FHIP1A: variants seen among roughly 807,000 people sequenced by gnomAD.
FHIP1A encodes the protein FHF complex subunit HOOK-interacting protein 1A.
In FHIP1A, 61 loss-of-function variants were observed where a neutral mutation model predicts 88.6. The ratio of observed to expected loss-of-function variants is 0.69; its 90% CI spans 0.56 to 0.85. The LOEUF is 0.85. Among genes scored for constraint, FHIP1A ranks in the 40% least tolerant of loss-of-function variants. The probability of loss-of-function intolerance (pLI) is 0.00; values close to 1 mark genes in which losing one functional copy is unlikely to be tolerated. For synonymous variants in FHIP1A, 478 were observed against 496.0 expected, an observed-to-expected ratio of 0.96 and a Z score of 0.48; for missense variants, 1,154 against 1,273.5, an observed-to-expected ratio of 0.91 and a Z score of 1.43.
chr4:151,484,349 G>A (rs1208748044), intron 3 of FHIP1A, among the ~76,000 whole-genome samples: 3 of 152,184 alleles, frequency 2.0e-5, no homozygotes, highest in Admixed American at 2.0e-4. Flanking sequence ...GAAAAGGTCA[G>A]AAACCAAATA....
intron 7 of FHIP1A, among the ~76,000 whole-genome samples, chr4:151,592,390 T>C (rs976571278): frequency 6.6e-6 from 1 of 152,184 alleles, no homozygotes; most frequent in African/African-American, 2.4e-5. Context: ...CGCCTCAGCC[T>C]CCCAAAGTGC....
chr4:151,523,656 G>C (rs1042242797), intron 3 of FHIP1A, among the ~76,000 whole-genome samples: 3 of 152,206 alleles, frequency 2.0e-5, no homozygotes, highest in African/African-American at 7.2e-5. Flanking sequence ...TCAGAGGTTA[G>C]ACTGTGGTGG....
At chr4:151,420,654 T>C (rs1733092314) in intron 1 of FHIP1A, among the ~76,000 whole-genome samples, 1 of 152,244 alleles carries the variant, frequency 6.6e-6, no homozygotes, top group Non-Finnish European at 1.5e-5. Context: ...TTTGTCCTTC[T>C]TCCCAATTAG....
intron 3 of FHIP1A, among the ~76,000 whole-genome samples, chr4:151,563,710 C>A (rs1041121024): frequency 2.6e-5 from 4 of 152,110 alleles, no homozygotes; most frequent in African/African-American, 9.7e-5. Flanking sequence ...CTAACTTGTG[C>A]TGGGCATGGT....
At chr4:151,620,102 A>G (rs747501634) in intron 7 of FHIP1A, among the ~76,000 whole-genome samples, 24 of 152,202 alleles carry the variant, frequency 1.6e-4, no homozygotes, top group Non-Finnish European at 3.1e-4. Context: ...ATTTCCATTG[A>G]TGGGAAACTG....
In FHIP1A at chr4:151,662,476, ATGATGGTTTTCT is replaced by A; in HGVS notation, c.2870-23_2870-12del. On this transcript the variant is annotated splice_polypyrimidine_tract_variant and intron_variant, in intron 13 of 13. Coordinates refer to ENST00000435205, the MANE Select transcript of FHIP1A (RefSeq NM_001109977.3). ...GATTAGAAGGCTATGGAGGGACACC[ATGATGGTTTTCT>A]TTCTGCTTTCAGATCCCATTCAGGA... The A allele has an allele frequency of 6.7e-7, 1 of 1,502,782 alleles. No homozygotes were observed. The highest frequency in any genetic ancestry group is 8.9e-7 in the Non-Finnish European group (1 of 1,120,414). 93.1% of individuals were successfully genotyped at this position (1,502,782 alleles called of 1,614,324 possible). A position where few individuals can be genotyped will look rare whatever the true frequency, so the allele number is the denominator to read the frequency against.
intron 1 of FHIP1A, among the ~76,000 whole-genome samples, chr4:151,440,900 G>A (rs936734084): frequency 6.6e-6 from 1 of 152,126 alleles, no homozygotes; most frequent in Non-Finnish European, 1.5e-5. Flanking sequence ...CCCCTTGTCA[G>A]TTATCTGCTC....
chr4:151,526,458 C>T (rs1337233977), intron 3 of FHIP1A, among the ~76,000 whole-genome samples: 1 of 147,874 alleles, frequency 6.8e-6, no homozygotes, highest in East Asian at 2.0e-4. Flanking sequence ...ACCTCCCTCC[C>T]GGATGAGGCG....
intron 3 of FHIP1A, among the ~76,000 whole-genome samples, chr4:151,517,458 A>G (rs991877652): frequency 1.3e-5 from 2 of 152,146 alleles, no homozygotes; most frequent in Non-Finnish European, 2.9e-5. Context: ...TAATAATAAT[A>G]ATGATAAATT....
chr4:151,643,825 T>C (rs1466624695), intron 9 of FHIP1A, among the ~76,000 whole-genome samples: 1 of 152,230 alleles, frequency 6.6e-6, no homozygotes, highest in East Asian at 1.9e-4. Flanking sequence ...CAATAGGGGA[T>C]CTCCCTTGAT....
intron 8 of FHIP1A, 81 bp from the exon 9 acceptor site, chr4:151,638,596 A>C (rs1275478725): frequency 6.0e-5 from 49 of 821,164 alleles, no homozygotes; most frequent in Middle Eastern, 4.6e-4. Context: ...ATATTTTGTA[A>C]TTCTGATTTA....
chr4:151,428,165 CA>C (rs149654182), intron 1 of FHIP1A, among the ~76,000 whole-genome samples: 2,142 of 152,178 alleles, frequency 0.014, 49 homozygotes, highest in African/African-American at 0.05. Context: ...AGGTATAACA[CA>C]ATTTTTCAGG....
Position 151,629,760 on chromosome 4 carries a change from T to G in FHIP1A, c.1037T>G (p.Ile346Ser), listed in dbSNP as rs914965729. 1.8e-5 allele frequency: 28 copies of G among 1,551,304 alleles called. No homozygotes were observed. Among genetic ancestry groups the G allele is most frequent in the Non-Finnish European group, 2.3e-5 (26 of 1,146,814 alleles). Residue 346 changes from isoleucine (I) to serine (S), a missense_variant, in exon 8 of 14, where the codon ATC (isoleucine) becomes AGC (serine). Coordinates refer to ENST00000435205, the MANE Select transcript of FHIP1A (RefSeq NM_001109977.3). ...TAYLDLFLRS[I>S]SEPALLEIFL... ...TATCTGGACCTTTTCCTGCGTAGCA[T>G]CTCCGAGCCAGCACTACTTGAGATC... is the stretch of plus-strand genomic sequence containing the variant.
At chr4:151,481,478 T>C (rs1448358630) in intron 2 of FHIP1A, among the ~76,000 whole-genome samples, 3 of 152,006 alleles carry the variant, frequency 2.0e-5, no homozygotes, top group African/African-American at 7.2e-5. Context: ...CCTCAGTTAT[T>C]GGCATTTAAA....
chr4:151,641,129 T>G (rs758798525), intron 9 of FHIP1A, among the ~76,000 whole-genome samples: 5 of 152,196 alleles, frequency 3.3e-5, no homozygotes, highest in Non-Finnish European at 5.9e-5. Context: ...GGGCCCATGT[T>G]TCTTTAATGA....
intron 9 of FHIP1A, 81 bp downstream of exon 9, chr4:151,638,837 T>C (rs1736463794): frequency 1.5e-6 from 1 of 675,794 alleles, no homozygotes; most frequent in Admixed American, 3.4e-5. Context: ...CTTTGTTATT[T>C]ATATACTTTA....
intron 9 of FHIP1A, among the ~76,000 whole-genome samples, chr4:151,641,249 A>T (rs920022321): frequency 6.6e-6 from 1 of 152,224 alleles, no homozygotes; most frequent in African/African-American, 2.4e-5. Flanking sequence ...AACTGAGAGG[A>T]CATACACAGA....
At chr4:151,414,243 G>C (rs1481513169) in intron 1 of FHIP1A, among the ~76,000 whole-genome samples, 2 of 151,918 alleles carry the variant, frequency 1.3e-5, no homozygotes, top group Non-Finnish European at 2.9e-5. Flanking sequence ...AGTAGAGATG[G>C]GGTTTCACCA....
intron 2 of FHIP1A, among the ~76,000 whole-genome samples, chr4:151,471,521 A>G (rs939483402): frequency 2.0e-5 from 3 of 152,042 alleles, no homozygotes; most frequent in South Asian, 4.1e-4. Flanking sequence ...TTTGTTGCCT[A>G]TGTTTCATAA....
Sources: gnomAD v4.1 joint callset for allele counts (sites outside exome capture counted in the v4.1 genomes callset) on GRCh38, gnomAD v4.1.1 for gene constraint, MANE v1.5 for transcripts, NCBI Gene and HGNC (gene_info 2026-07-23, HGNC 2026-07-21) for gene names.